The following SCAPER variants were observed in gnomAD, a reference collection of about 807,000 sequenced individuals.
SCAPER encodes the protein S phase cyclin A-associated protein in the endoplasmic reticulum.
A neutral mutation model predicts 182.2 loss-of-function variants in SCAPER; 98 were observed. That is an observed-to-expected ratio of 0.54 (90% CI 0.46 to 0.64). SCAPER has a LOEUF of 0.64. SCAPER is among the 30% of genes least tolerant of loss of function. The probability of loss-of-function intolerance (pLI) is 0.00; values close to 1 mark genes in which losing one functional copy is unlikely to be tolerated. For missense variants in SCAPER, 1,432 were observed against 1,690.0 expected (o/e 0.85, Z 2.68); for synonymous variants, 605 against 564.6 (o/e 1.07, Z -1.01).
chr15:76,869,264 T>C (rs1192013280), intron 2 of SCAPER, among the ~76,000 whole-genome samples: 1 of 151,944 alleles, frequency 6.6e-6, no homozygotes, highest in Non-Finnish European at 1.5e-5. Context: ...AATAGACAAA[T>C]GAGACTATAT....
chr15:76,588,038 C>T (rs2048808880), intron 22 of SCAPER, among the ~76,000 whole-genome samples: 1 of 152,092 alleles, frequency 6.6e-6, no homozygotes, highest in Admixed American at 6.6e-5. Context: ...TCTCCTGCCT[C>T]AGCCTCCCGA....
chr15:76,887,474 T>G (rs1484944821), intron 1 of SCAPER, among the ~76,000 whole-genome samples: 1 of 152,072 alleles, frequency 6.6e-6, no homozygotes, highest in Non-Finnish European at 1.5e-5. Flanking sequence ...TCCCACAGTC[T>G]TAGTAACCCA....
At chr15:76,893,357 G>T (rs1338828430) in intron 1 of SCAPER, among the ~76,000 whole-genome samples, 1 of 151,930 alleles carries the variant, frequency 6.6e-6, no homozygotes, top group Non-Finnish European at 1.5e-5. Context: ...AATGATAAAG[G>T]GGTAATTCAT....
At chr15:76,532,640 T>C (rs925961194) in intron 23 of SCAPER, among the ~76,000 whole-genome samples, 1 of 152,210 alleles carries the variant, frequency 6.6e-6, no homozygotes, top group Non-Finnish European at 1.5e-5. Flanking sequence ...CTGCAATCTC[T>C]ATGGCATTAA....
chr15:76,542,026 C>T (rs1333919771), intron 23 of SCAPER, among the ~76,000 whole-genome samples: 1 of 152,052 alleles, frequency 6.6e-6, no homozygotes, highest in Non-Finnish European at 1.5e-5. Context: ...AAAGCTATTT[C>T]GGAAAAATCT....
At chr15:76,779,498 A>G (rs2063956441) in intron 8 of SCAPER, among the ~76,000 whole-genome samples, 1 of 152,158 alleles carries the variant, frequency 6.6e-6, no homozygotes, top group Non-Finnish European at 1.5e-5. Context: ...TTCAACAAAG[A>G]TAAAATAGAC....
At chr15:76,872,836 C>CTTTAAAAAAAAAAA (rs2072823510) in intron 2 of SCAPER, among the ~76,000 whole-genome samples, 1 of 151,660 alleles carries the variant, frequency 6.6e-6, no homozygotes, top group Non-Finnish European at 1.5e-5. Flanking sequence ...ATATGAAAAA[C>CTTTAAAAAAAAAAA]AAAGTGTATC....
At chr15:76,593,740 T>C (rs1197002837) in intron 22 of SCAPER, among the ~76,000 whole-genome samples, 4 of 121,140 alleles carry the variant, frequency 3.3e-5, no homozygotes, top group African/African-American at 1.0e-4. Context: ...GGCCTGATTG[T>C]TAGAAGAAAA....
chr15:76,513,106 C>CCCCATT (rs912926601), intron 23 of SCAPER, among the ~76,000 whole-genome samples: 3 of 152,150 alleles, frequency 2.0e-5, no homozygotes, highest in African/African-American at 7.2e-5. Context: ...TACCTCATGG[C>CCCCATT]CCCATTCTCT....
At position 76,567,838 on chromosome 15, in the gene SCAPER, G is replaced by C. The variant is rs563600614; in HGVS notation, c.2838+6320C>G. On this transcript the variant is annotated intron_variant, in intron 23 of 31. Transcript: ENST00000563290. ...TTGCTTGTCTTGCTACCCTCTTCCTGGTGCCTTTTGATGAACAAAAGTTCT... is the reference window on the plus strand; with the variant it reads ...TTGCTTGTCTTGCTACCCTCTTCCTCGTGCCTTTTGATGAACAAAAGTTCT... Among the ~76,000 whole-genome samples, 229 of 151,910 alleles carry C rather than the reference G, an allele frequency of 1.5e-3. No homozygotes were observed. The South Asian group carries it at 0.021, about 14-fold the overall frequency.
At chr15:76,889,508 C>T (rs2152590233) in intron 1 of SCAPER, among the ~76,000 whole-genome samples, 1 of 152,216 alleles carries the variant, frequency 6.6e-6, no homozygotes, top group East Asian at 1.9e-4. Context: ...CAAAAAAAAG[C>T]AGGGGTCGCA....
intron 23 of SCAPER, among the ~76,000 whole-genome samples, chr15:76,536,082 T>C (rs1275444374): frequency 6.6e-6 from 1 of 152,238 alleles, no homozygotes; most frequent in Admixed American, 6.5e-5. Context: ...ATACATTTCA[T>C]ATCTTACAGA....
intron 21 of SCAPER, among the ~76,000 whole-genome samples, chr15:76,661,240 A>C (rs2056130694): frequency 6.6e-6 from 1 of 152,186 alleles, no homozygotes; most frequent in South Asian, 2.1e-4. Flanking sequence ...AAGAAAATAG[A>C]GGCAGTACCT....
intron 29 of SCAPER, among the ~76,000 whole-genome samples, chr15:76,374,779 G>A (rs1432994042): frequency 1.3e-5 from 2 of 151,958 alleles, no homozygotes; most frequent in African/African-American, 4.8e-5. Context: ...GAACCACTGC[G>A]CCCGGCCAAG....
intron 14 of SCAPER, among the ~76,000 whole-genome samples, chr15:76,761,416 A>C (rs1162402334): frequency 6.6e-6 from 1 of 152,108 alleles, no homozygotes; most frequent in Non-Finnish European, 1.5e-5. Flanking sequence ...TGAGTTAGAA[A>C]ACTAGTGTAG....
chr15:76,756,118 C>T (rs1490890914), intron 14 of SCAPER, among the ~76,000 whole-genome samples: 1 of 151,976 alleles, frequency 6.6e-6, no homozygotes, highest in Non-Finnish European at 1.5e-5. Flanking sequence ...GTGGTGCACG[C>T]CTATAATCCC....
At chr15:76,502,300 C>A (rs2143754327) in intron 24 of SCAPER, among the ~76,000 whole-genome samples, 1 of 152,162 alleles carries the variant, frequency 6.6e-6, no homozygotes, top group Admixed American at 6.5e-5. Context: ...GGAATCGCCA[C>A]ACTCTCTCTT....
chr15:76,392,870 A>G (rs559282129), intron 27 of SCAPER, among the ~76,000 whole-genome samples: 59 of 152,142 alleles, frequency 3.9e-4, no homozygotes, highest in Non-Finnish European at 7.8e-4. Context: ...CTGGCTGCAA[A>G]TGTATCCTGG....
intron 25 of SCAPER, among the ~76,000 whole-genome samples, chr15:76,437,309 T>C (rs1015170787): frequency 1.3e-5 from 2 of 152,168 alleles, no homozygotes; most frequent in Admixed American, 6.6e-5. Flanking sequence ...AATTTTCTTC[T>C]GGCGTTTTGC....
Sources: gnomAD v4.1 joint callset for allele counts (sites outside exome capture counted in the v4.1 genomes callset) on GRCh38, gnomAD v4.1.1 for gene constraint, MANE v1.5 for transcripts, NCBI Gene and HGNC (gene_info 2026-07-23, HGNC 2026-07-21) for gene names.